The following USH2A variants were observed in gnomAD, a reference collection of about 807,000 sequenced individuals.
USH2A encodes Usher syndrome 2A (autosomal recessive, mild).
In USH2A, 443 loss-of-function variants were observed where a neutral mutation model predicts 538.9. That is an observed-to-expected ratio of 0.82 (90% confidence interval 0.76 to 0.89). The LOEUF (loss-of-function observed/expected upper bound fraction) is 0.89, where lower values mean the gene tolerates loss of function less well. USH2A is among the 40% of genes least tolerant of loss of function. The pLI is 0.00. For synonymous variants in USH2A, 2,413 were observed against 2,273.5 expected (o/e 1.06, Z -1.75); for missense variants, 6,633 against 6,324.8 (o/e 1.05, Z -1.65).
At chr1:215,859,408 C>T (rs1329657206) in intron 44 of USH2A, among the ~76,000 whole-genome samples, 1 of 151,988 alleles carries the variant, frequency 6.6e-6, no homozygotes. Context: ...GTGGGATGTG[C>T]CTGTAGTCCC....
At chr1:216,168,059 A>G (rs1355451333) in intron 21 of USH2A, among the ~76,000 whole-genome samples, 1 of 152,160 alleles carries the variant, frequency 6.6e-6, no homozygotes, top group Non-Finnish European at 1.5e-5. Context: ...ACATTTTTAA[A>G]TGTTTTAACT....
chr1:215,954,730 C>A (rs115739340), intron 37 of USH2A, among the ~76,000 whole-genome samples: 628 of 148,034 alleles, frequency 4.2e-3, no homozygotes, highest in African/African-American at 0.015. Flanking sequence ...TAAAAAAAAA[C>A]AATTGAAAAT....
At chr1:215,797,510 G>A (rs1269262674) in intron 50 of USH2A, among the ~76,000 whole-genome samples, 2 of 152,058 alleles carry the variant, frequency 1.3e-5, no homozygotes, top group African/African-American at 4.8e-5. Flanking sequence ...CCTGCTGGGG[G>A]GCTAAAGCAG....
intron 21 of USH2A, among the ~76,000 whole-genome samples, chr1:216,125,592 A>C (rs2033236435): frequency 6.6e-6 from 1 of 152,192 alleles, no homozygotes; most frequent in African/African-American, 2.4e-5. Flanking sequence ...ATTTTCCATC[A>C]TATTTCAAAT....
rs772764821 is a variant in USH2A at position 216,070,269 on chromosome 1, A to T, written c.5881T>A (p.Ser1961Thr). The T allele has an allele frequency of 1.9e-6, 3 of 1,613,972 alleles. No individual in the cohort carries two copies. The East Asian group carries it at 6.7e-5, about 36-fold the overall frequency. ...GAAPQSVPTP[S>T]RVRSLNGYSI... ...TATCCATTTAAGCTGCGGACTCTTGAGGGAGTTGGCACACTTTGTGGAGCT... is the reference window on the plus strand; with the variant it reads ...TATCCATTTAAGCTGCGGACTCTTGTGGGAGTTGGCACACTTTGTGGAGCT... The change falls in exon 30 of 72, where the codon TCA (serine) becomes ACA (threonine). Residue 1961 changes from serine to threonine, a missense_variant. Transcript: ENST00000307340.
chr1:216,289,353 G>T lies in USH2A; in HGVS notation c.1898C>A (p.Ser633Ter), dbSNP rs373190681. ...YFFRQVGADP[S>*]AIDVCKPCDC... ...ACAGGGTTTGCAAACATCTATGGCC[G>T]AAGGATCTGCACCAACTTGTCGGAA... The change falls in exon 11 of 72, where the codon TCG (serine) becomes TAG (stop). Residue 633 changes from serine (S) to a stop codon, truncating the protein, a stop_gained. Transcript: ENST00000307340. LOFTEE classifies it high-confidence loss of function. 4.3e-6 allele frequency: 7 copies of T among 1,613,950 alleles called. No homozygotes were observed. Among genetic ancestry groups the T allele is most frequent in the Non-Finnish European group, 5.1e-6 (6 of 1,179,864 alleles).
chr1:216,385,573 G>A (rs1558065040), intron 3 of USH2A, among the ~76,000 whole-genome samples: 1 of 152,214 alleles, frequency 6.6e-6, no homozygotes, highest in East Asian at 1.9e-4. Context: ...AGAATTTTGG[G>A]GTGAAGGTCA....
intron 21 of USH2A, among the ~76,000 whole-genome samples, chr1:216,100,554 T>C (rs746613550): frequency 8.5e-5 from 13 of 152,178 alleles, no homozygotes; most frequent in Non-Finnish European, 1.8e-4. Flanking sequence ...TCCTATAAAA[T>C]TACTCAGCTT....
At chr1:215,847,935 G>T (rs1033577601) in intron 44 of USH2A, among the ~76,000 whole-genome samples, 16 of 152,130 alleles carry the variant, frequency 1.1e-4, no homozygotes, top group African/African-American at 3.9e-4. Context: ...AAAAGGGTAT[G>T]ATGTGCCAGT....
rs913470712 is a variant in USH2A at position 216,188,671 on chromosome 1, G to A, written c.4396+1552C>T. On this transcript the variant is annotated intron_variant, in intron 20 of 71. Coordinates refer to ENST00000307340, the MANE Select transcript of USH2A (RefSeq NM_206933.4). ...AAGATGGTATAGCTTTGTCTGAGAC[G>A]TAGTAGTTTCTGTAACACTGAAGGT... is the stretch of plus-strand genomic sequence containing the variant. 4.6e-5 allele frequency among the ~76,000 whole-genome samples: 7 copies of A among 151,858 alleles called. No homozygotes were observed. In the South Asian group the frequency reaches 6.2e-4, roughly 13 times the overall value.
chr1:216,289,281 T>C lies in USH2A; in HGVS notation c.1970A>G (p.Gln657Arg). 6.2e-7 allele frequency: 1 copy of C among 1,613,866 alleles called. No homozygotes were observed. Among genetic ancestry groups the C allele is most frequent in the African/African-American group, 1.3e-5 (1 of 75,044 alleles). ...GTRNGSILCDQIGGQCNCKRH... is the reference protein window; with the variant it reads ...GTRNGSILCDRIGGQCNCKRH... ...CCTTAAATACTCAGAAAAACTCACC[T>C]GATCACAAAGAATGCTACCATTTCT... Residue 657 changes from glutamine (Q) to arginine (R), a missense_variant and splice_region_variant, in exon 11 of 72, where the codon CAG becomes CGG. Physicochemically the swap from Gln to Arg is conservative, Grantham distance 43 (BLOSUM62 1). Coordinates refer to ENST00000307340, the MANE Select transcript of USH2A (RefSeq NM_206933.4).
In USH2A at chr1:215,934,740, C is replaced by T. The variant is rs1666450988; in HGVS notation, c.7176G>A (p.Glu2392=). 1.9e-6 allele frequency: 3 copies of T among 1,612,666 alleles called. No individual in the cohort carries two copies. The South Asian group carries it at 3.3e-5, about 18-fold the overall frequency. The stretch of plus-strand genomic sequence containing the variant: ...CATCGATGAGCACCCAAAGGTTTGT[C>T]TCTTCTCCGCTGTACATGACTTTTG... ...NVTKVMYSGE[E]TNLWVLIDGL... The change falls in exon 38 of 72, where the codon GAG becomes GAA. Residue 2392 remains glutamate, a synonymous_variant. Transcript: ENST00000307340.
intron 22 of USH2A, among the ~76,000 whole-genome samples, chr1:216,094,894 A>G (rs2032402137): frequency 6.6e-6 from 1 of 152,092 alleles, no homozygotes; most frequent in African/African-American, 2.4e-5. Flanking sequence ...AAATGGGAAT[A>G]TGAAGAGTAT....
At chr1:216,129,617 A>T (rs1248713698) in intron 21 of USH2A, among the ~76,000 whole-genome samples, 1 of 152,128 alleles carries the variant, frequency 6.6e-6, no homozygotes, top group Non-Finnish European at 1.5e-5. Context: ...GTAACTGCTA[A>T]AATGTCCATA....
Position 215,625,840 on chromosome 1 carries a change from T to TGGC in USH2A, c.15547_15549dup (p.Ala5183dup), listed in dbSNP as rs745936947. 2 of 1,614,148 alleles carry TGGC rather than the reference T, an allele frequency of 1.2e-6. No individual in the cohort carries two copies. On this transcript the variant is annotated inframe_insertion, in exon 72 of 72. Coordinates refer to ENST00000307340, the MANE Select transcript of USH2A (RefSeq NM_206933.4). ...TTAGTCACTGAGCTGAAATCCTTGA[T>TGGC]GGCGTTCATCAGGTCCTCTTCATCC...
chr1:216,267,601 C>T (rs2036499865), intron 11 of USH2A, among the ~76,000 whole-genome samples: 2 of 152,124 alleles, frequency 1.3e-5, no homozygotes, highest in Non-Finnish European at 2.9e-5. Flanking sequence ...GGCACCACGA[C>T]ATCTCTTTTG....
chr1:216,239,888 C>T (rs576898585), intron 13 of USH2A, among the ~76,000 whole-genome samples: 3 of 151,538 alleles, frequency 2.0e-5, no homozygotes, highest in East Asian at 3.9e-4. Flanking sequence ...AGAGAGGGCT[C>T]AAGGATGTCT....
chr1:216,355,323 G>GAAAGAA (rs1270170866), intron 4 of USH2A, among the ~76,000 whole-genome samples: 1 of 74,770 alleles, frequency 1.3e-5, no homozygotes, highest in Non-Finnish European at 3.5e-5. Context: ...AAGAAAGAAA[G>GAAAGAA]AAAGAAAGAA....
At chr1:215,926,954 C>T (rs1012842518) in intron 38 of USH2A, among the ~76,000 whole-genome samples, 5 of 152,026 alleles carry the variant, frequency 3.3e-5, no homozygotes, top group African/African-American at 1.2e-4. Context: ...AAAAAATTTA[C>T]ATTTACTCTG....
Sources: allele counts gnomAD v4.1 joint callset (sites outside exome capture counted in the v4.1 genomes callset), GRCh38; gene constraint gnomAD v4.1.1; transcripts MANE v1.5; gene names NCBI Gene and HGNC (gene_info 2026-07-23, HGNC 2026-07-21).